UPRT: variants seen among roughly 807,000 people sequenced by gnomAD.
The protein encoded by UPRT is uracil phosphoribosyltransferase homolog.
Under a neutral mutation model 22.6 loss-of-function variants are expected in UPRT, and 5 were observed. The observed-to-expected ratio is 0.22, with a 90% CI of 0.12 to 0.47. The LOEUF is 0.47. Among genes scored for constraint, UPRT ranks in the 20% least tolerant of loss-of-function variants. The probability of loss-of-function intolerance (pLI) is 0.99; values close to 1 mark genes in which losing one functional copy is unlikely to be tolerated. For synonymous variants in UPRT, 77 were observed against 87.7 expected (o/e 0.88, Z 0.68); for missense variants, 181 against 239.9 (o/e 0.75, Z 1.62).
At chrX:75,267,086 G>T (rs1473261518) in intron 4 of UPRT, among the ~76,000 whole-genome samples, 1 of 111,588 alleles carries the variant, frequency 9.0e-6, no homozygotes, top group East Asian at 2.8e-4. Context: ...TCCAATTACT[G>T]GGTATATACC....
intron 4 of UPRT, among the ~76,000 whole-genome samples, chrX:75,188,983 C>T (rs1232301113): frequency 1.8e-5 from 2 of 112,187 alleles, no homozygotes; most frequent in Admixed American, 9.4e-5. Flanking sequence ...TCTTCTGCAT[C>T]GCGCACGCTG....
chrX:75,203,074 T>C (rs976002917), intron 4 of UPRT, among the ~76,000 whole-genome samples: 1 of 111,311 alleles, frequency 9.0e-6, no homozygotes, highest in African/African-American at 3.3e-5. Flanking sequence ...CAAAGACACA[T>C]AGCCTCAAAA....
intron 4 of UPRT, among the ~76,000 whole-genome samples, chrX:75,173,024 A>G (rs1239924388): frequency 9.0e-6 from 1 of 111,461 alleles, no homozygotes; most frequent in Non-Finnish European, 1.9e-5. Context: ...GGTAGAGCCG[A>G]GTGGCCTGTT....
At chrX:75,272,330 GTATATATATATATACACA>G (rs2082612468), upstream of UPRT, among the ~76,000 whole-genome samples, 1 of 45,457 alleles carries the variant, frequency 2.2e-5, no homozygotes, top group Admixed American at 2.8e-4. Flanking sequence ...ACATATATAT[GTATATATATATATACACA>G]TATATATATG....
rs912327244 is a variant in UPRT at position 75,156,406 on chromosome X, C to G, written c.-881C>G. 5.1e-5 allele frequency: 36 copies of G among 707,995 alleles called. No individual in the cohort carries two copies. In the African/African-American group the frequency reaches 5.8e-4, roughly 11 times the overall value. The allele number at this position is 707,995 out of a possible 1,213,427, so 58.3% of individuals were successfully genotyped here. A position where few individuals can be genotyped will look rare whatever the true frequency, so the allele number is the denominator to read the frequency against. The stretch of plus-strand genomic sequence containing the variant: ...CGGAAATGGATTCTGTTTGAAGATT[C>G]GGATGCATTCGCACAGCCTCTTTTA... On this transcript the variant is annotated 5_prime_UTR_variant, in exon 1 of 14. Coordinates refer to the UPRT transcript ENST00000652605.
chrX:75,263,976 C>A (rs1200854111), intron 4 of UPRT, among the ~76,000 whole-genome samples: 2 of 110,373 alleles, frequency 1.8e-5, no homozygotes, highest in African/African-American at 6.6e-5. Context: ...TCGTTATGTA[C>A]CCAGTAGTCA....
intron 4 of UPRT, among the ~76,000 whole-genome samples, chrX:75,191,917 CGAT>C (rs2082316579): frequency 9.0e-6 from 1 of 111,302 alleles, no homozygotes; most frequent in Non-Finnish European, 1.9e-5. Context: ...CTGGGTGAGG[CGAT>C]GCCTCACCCT....
chrX:75,235,522 G>C (rs779570328), intron 4 of UPRT, among the ~76,000 whole-genome samples: 2 of 111,866 alleles, frequency 1.8e-5, no homozygotes, highest in South Asian at 7.6e-4. Context: ...GAATATCCTT[G>C]ATGAACATTG....
intron 1 of UPRT, among the ~76,000 whole-genome samples, chrX:75,290,276 T>C (rs1205363357): frequency 8.9e-6 from 1 of 111,743 alleles, no homozygotes; most frequent in East Asian, 2.8e-4. Context: ...CCCGTTAGAA[T>C]GGTGATTATT....
Position 75,156,548 on chromosome X carries a change from CTAGTT to C in UPRT, c.-738_-737+3del, listed in dbSNP as rs2082180088. 2 of 459,541 alleles carry C rather than the reference CTAGTT, an allele frequency of 4.4e-6. No individual in the cohort carries two copies. 37.9% of individuals were successfully genotyped at this position (459,541 alleles called of 1,213,427 possible). ...GCCAGATGAAATACAGGATGCCTAC[CTAGTT>C]AAGTTTCAATTTTACATAAACAACG... On this transcript the variant is annotated splice_donor_variant and splice_donor_region_variant and 5_prime_UTR_variant and intron_variant, in exon 1 of 14. Transcript: ENST00000652605. LOFTEE classifies it low-confidence loss of function (5UTR_SPLICE).
chrX:75,156,378 G>A, upstream of UPRT: 1 of 908,261 alleles, frequency 1.1e-6, no homozygotes. Context: ...CAGGGCCCCA[G>A]ACCGGAAATG....
chrX:75,252,874 G>A lies in UPRT; in HGVS notation c.-446-38150G>A, dbSNP rs1036923427. Reference sequence around the variant, plus strand: ...ATACTATGCAGCCATAAAAAATGATGAGTTCATGTCCTTTTTAGGGAGATG... The same window carrying A: ...ATACTATGCAGCCATAAAAAATGATAAGTTCATGTCCTTTTTAGGGAGATG... On this transcript the variant is annotated intron_variant, in intron 4 of 13. Coordinates refer to the UPRT transcript ENST00000652605. Among the ~76,000 whole-genome samples, 48 of 112,135 alleles carry A rather than the reference G, an allele frequency of 4.3e-4. No homozygotes were observed. The Admixed American group carries it at 4.3e-3, about 10-fold the overall frequency.
intron 4 of UPRT, among the ~76,000 whole-genome samples, chrX:75,196,560 G>A (rs2082333149): frequency 8.9e-6 from 1 of 112,025 alleles, no homozygotes. Flanking sequence ...AATAATAATA[G>A]AAAGAGGCCG....
chrX:75,250,308 C>T (rs1319173631), intron 4 of UPRT, among the ~76,000 whole-genome samples: 1 of 109,225 alleles, frequency 9.2e-6, no homozygotes. Context: ...ATTGATAGAC[C>T]ACTAGCAAGA....
intron 4 of UPRT, among the ~76,000 whole-genome samples, chrX:75,169,299 G>T (rs1171323722): frequency 8.9e-6 from 1 of 112,160 alleles, no homozygotes; most frequent in Non-Finnish European, 1.9e-5. Flanking sequence ...ATACCTAGGA[G>T]TAAGATTGCT....
At chrX:75,185,885 T>TAGTAAA (rs2082288673) in intron 4 of UPRT, among the ~76,000 whole-genome samples, 1 of 111,906 alleles carries the variant, frequency 8.9e-6, no homozygotes, top group Non-Finnish European at 1.9e-5. Context: ...TATCATTTTT[T>TAGTAAA]ACTGTGTCTA....
At chrX:75,164,170 C>G (rs1396145760) in intron 3 of UPRT, among the ~76,000 whole-genome samples, 2 of 110,502 alleles carry the variant, frequency 1.8e-5, no homozygotes, top group Non-Finnish European at 3.8e-5. Flanking sequence ...GAGCAAGTCT[C>G]CATCTCTAAA....
At chrX:75,227,251 T>C (rs1456560252) in intron 4 of UPRT, among the ~76,000 whole-genome samples, 1 of 111,713 alleles carries the variant, frequency 9.0e-6, no homozygotes, top group African/African-American at 3.3e-5. Context: ...ACTATTTAGT[T>C]ACATGACTTT....
intron 4 of UPRT, among the ~76,000 whole-genome samples, chrX:75,235,311 A>T (rs971129983): frequency 9.0e-6 from 1 of 111,625 alleles, no homozygotes; most frequent in African/African-American, 3.3e-5. Flanking sequence ...TACCAACCAA[A>T]AAGAGTCCAG....
Sources: allele counts gnomAD v4.1 joint callset (sites outside exome capture counted in the v4.1 genomes callset), GRCh38; gene constraint gnomAD v4.1.1; transcripts MANE v1.5; gene names NCBI Gene and HGNC (gene_info 2026-07-23, HGNC 2026-07-21).